Variants in UBE2H observed in about 807,000 individuals in gnomAD.
UBE2H encodes ubiquitin conjugating enzyme E2 H, also known as ubiquitin-conjugating enzyme E2 H.
A neutral mutation model predicts 29.0 loss-of-function variants in UBE2H; 3 were observed. That is an observed-to-expected ratio of 0.10 (90% CI 0.05 to 0.27). UBE2H has a LOEUF of 0.27. UBE2H is among the 10% of genes least tolerant of loss of function. The pLI is 1.00. For synonymous variants in UBE2H, 69 were observed against 82.9 expected, an observed-to-expected ratio of 0.83 and a Z score of 0.91; for missense variants, 68 against 228.2, an observed-to-expected ratio of 0.30 and a Z score of 4.52.
chr7:129,893,641 TACGC>T (rs1806544164), intron 1 of UBE2H, among the ~76,000 whole-genome samples: 1 of 152,210 alleles, frequency 6.6e-6, no homozygotes, highest in South Asian at 2.1e-4. Context: ...CAACTTCAGT[TACGC>T]ACTTTAAAAT....
At chr7:129,913,423 T>C (rs57314877) in intron 1 of UBE2H, among the ~76,000 whole-genome samples, 38,376 of 151,932 alleles carry the variant, frequency 0.25, 5,046 homozygotes, top group African/African-American at 0.31. Flanking sequence ...GCATTCACCT[T>C]GACCTGTTAC....
At chr7:129,911,606 C>T (rs905709073) in intron 1 of UBE2H, among the ~76,000 whole-genome samples, 2 of 151,996 alleles carry the variant, frequency 1.3e-5, no homozygotes, top group Non-Finnish European at 2.9e-5. Context: ...GTTTAGGAAA[C>T]AACAACTCAA....
intron 1 of UBE2H, among the ~76,000 whole-genome samples, chr7:129,943,036 TTTCGCCATG>T (rs1807680084): frequency 6.6e-6 from 1 of 151,842 alleles, no homozygotes; most frequent in Non-Finnish European, 1.5e-5. Context: ...AGAGATGGGG[TTTCGCCATG>T]TTGGCCAGGT....
intron 1 of UBE2H, among the ~76,000 whole-genome samples, chr7:129,918,304 G>T (rs1354107480): frequency 4.6e-5 from 7 of 151,730 alleles, no homozygotes; most frequent in Admixed American, 1.3e-4. Flanking sequence ...TGTAGCAAGA[G>T]TAAGAGATAA....
At chr7:129,861,193 C>T (rs1805794536) in intron 3 of UBE2H, among the ~76,000 whole-genome samples, 1 of 151,720 alleles carries the variant, frequency 6.6e-6, no homozygotes, top group African/African-American at 2.4e-5. Context: ...CACTGCACTC[C>T]AGCCTGGGTG....
At chr7:129,879,724 C>A in intron 2 of UBE2H, 82 bp from the exon 3 acceptor site, 1 of 1,301,482 alleles carries the variant, frequency 7.7e-7, no homozygotes, top group South Asian at 1.3e-5. Flanking sequence ...ACATTATCCC[C>A]TAATCTTCTG....
intron 1 of UBE2H, among the ~76,000 whole-genome samples, chr7:129,891,953 C>CTTTTTT (rs753851134): frequency 9.4e-5 from 12 of 127,138 alleles, no homozygotes; most frequent in African/African-American, 3.2e-4. Context: ...CATGCTACAC[C>CTTTTTT]TTTTTTTTTT....
chr7:129,911,774 G>A (rs917943270), intron 1 of UBE2H, among the ~76,000 whole-genome samples: 13 of 151,934 alleles, frequency 8.6e-5, no homozygotes, highest in African/African-American at 2.9e-4. Flanking sequence ...AGTAGCTATG[G>A]GACTACAGGT....
chr7:129,872,841 G>C (rs143632989), intron 3 of UBE2H, among the ~76,000 whole-genome samples: 1 of 56,320 alleles, frequency 1.8e-5, no homozygotes, highest in Admixed American at 3.3e-4. Context: ...GCAACACTCC[G>C]TCTCAAAAAA....
intron 1 of UBE2H, among the ~76,000 whole-genome samples, chr7:129,916,313 C>A (rs1185781285): frequency 6.6e-6 from 1 of 152,028 alleles, no homozygotes; most frequent in Non-Finnish European, 1.5e-5. Flanking sequence ...CTTTTATCCA[C>A]CACAGAAATC....
intron 6 of UBE2H, among the ~76,000 whole-genome samples, chr7:129,837,859 G>C (rs535998701): frequency 6.6e-6 from 1 of 152,286 alleles, no homozygotes; most frequent in East Asian, 1.9e-4. Flanking sequence ...CTAGGGGTCC[G>C]TACGCTGGAG....
At chr7:129,919,257 G>C (rs1219272822) in intron 1 of UBE2H, among the ~76,000 whole-genome samples, 2 of 152,100 alleles carry the variant, frequency 1.3e-5, no homozygotes. Flanking sequence ...ATAGTAAACA[G>C]CTAAGCTAAT....
chr7:129,918,743 T>C (rs1807094036), intron 1 of UBE2H, among the ~76,000 whole-genome samples: 1 of 152,188 alleles, frequency 6.6e-6, no homozygotes, highest in South Asian at 2.1e-4. Flanking sequence ...AACCAGCCTA[T>C]ACAATGTAGA....
At chr7:129,881,311 G>A (rs1284855563) in intron 1 of UBE2H, among the ~76,000 whole-genome samples, 2 of 152,158 alleles carry the variant, frequency 1.3e-5, no homozygotes, top group African/African-American at 4.8e-5. Context: ...GGATTAGACA[G>A]GTTAAACATG....
intron 1 of UBE2H, among the ~76,000 whole-genome samples, chr7:129,923,445 C>G (rs1299232021): frequency 6.6e-6 from 1 of 152,042 alleles, no homozygotes; most frequent in Non-Finnish European, 1.5e-5. Flanking sequence ...TTGAAGCAGC[C>G]CTCTCTTGCT....
At chr7:129,945,439 A>G (rs1807742980) in intron 1 of UBE2H, among the ~76,000 whole-genome samples, 1 of 152,244 alleles carries the variant, frequency 6.6e-6, no homozygotes, top group Non-Finnish European at 1.5e-5. Flanking sequence ...CAAAGTTTAA[A>G]CAATGAGGAA....
At chr7:129,842,087 A>C (rs1267896195) in intron 5 of UBE2H, among the ~76,000 whole-genome samples, 5 of 152,248 alleles carry the variant, frequency 3.3e-5, no homozygotes, top group African/African-American at 1.2e-4. Flanking sequence ...AAGCTACCTC[A>C]AGGCAATAGA....
At chr7:129,912,915 A>C (rs1015234839) in intron 1 of UBE2H, among the ~76,000 whole-genome samples, 10 of 152,240 alleles carry the variant, frequency 6.6e-5, no homozygotes, top group African/African-American at 2.4e-4. Context: ...AACACAACCA[A>C]GTACATTTCC....
chr7:129,856,131 G>C (rs907768254), intron 5 of UBE2H, among the ~76,000 whole-genome samples: 1 of 152,170 alleles, frequency 6.6e-6, no homozygotes, highest in Non-Finnish European at 1.5e-5. Flanking sequence ...ACTGTGTTCT[G>C]CTGGTGACCA....
Sources: gnomAD v4.1 joint callset for allele counts (sites outside exome capture counted in the v4.1 genomes callset) on GRCh38, gnomAD v4.1.1 for gene constraint, MANE v1.5 for transcripts, NCBI Gene and HGNC (gene_info 2026-07-23, HGNC 2026-07-21) for gene names.